Variants in FAM193A observed in about 807,000 individuals in gnomAD.
FAM193A encodes the protein family with sequence similarity 193 member A.
Under a neutral mutation model 126.5 loss-of-function variants are expected in FAM193A, and 22 were observed. The ratio of observed to expected loss-of-function variants is 0.17; its 90% CI spans 0.12 to 0.25. The LOEUF (loss-of-function observed/expected upper bound fraction) is 0.25, where lower values mean the gene tolerates loss of function less well. Among genes scored for constraint, FAM193A ranks in the 10% least tolerant of loss-of-function variants. The pLI is 1.00. For missense variants in FAM193A, 1,675 were observed against 1,672.8 expected, an observed-to-expected ratio of 1.00 and a Z score of -0.02; for synonymous variants, 761 against 646.8, an observed-to-expected ratio of 1.18 and a Z score of -2.68.
chr4:2,613,426 A>T (rs1577075042), intron 2 of FAM193A, among the ~76,000 whole-genome samples: 2 of 130,426 alleles, frequency 1.5e-5, no homozygotes, highest in Admixed American at 8.1e-5. Flanking sequence ...GTAAAAACTC[A>T]TTTATTAGTT....
chr4:2,726,950 CAAAAAAA>C (rs35697253), intron 20 of FAM193A, among the ~76,000 whole-genome samples: 6,064 of 104,042 alleles, frequency 0.058, 438 homozygotes, highest in African/African-American at 0.18. Context: ...AACTCCGTCC[CAAAAAAA>C]AAAAAAAAAA....
At chr4:2,645,509 T>A (rs1479026200) in intron 6 of FAM193A, among the ~76,000 whole-genome samples, 2 of 152,080 alleles carry the variant, frequency 1.3e-5, no homozygotes, top group Non-Finnish European at 1.5e-5. Context: ...TCTTGCCATC[T>A]TTCTTTTTTT....
intron 1 of FAM193A, among the ~76,000 whole-genome samples, chr4:2,579,119 C>G (rs892664118): frequency 1.3e-5 from 2 of 152,078 alleles, no homozygotes; most frequent in Non-Finnish European, 2.9e-5. Flanking sequence ...CTCAGCCTCC[C>G]AAAGTGCTGG....
chr4:2,581,234 C>A (rs1392786730), intron 1 of FAM193A, among the ~76,000 whole-genome samples: 3 of 149,902 alleles, frequency 2.0e-5, no homozygotes, highest in African/African-American at 7.3e-5. Context: ...ATTCTCTCTT[C>A]CTGAAATATT....
chr4:2,577,429 T>TTTTTTTTTTTTG (rs1339220571), intron 1 of FAM193A, among the ~76,000 whole-genome samples: 1 of 147,404 alleles, frequency 6.8e-6, no homozygotes, highest in African/African-American at 2.5e-5. Flanking sequence ...TTTGTTTTTT[T>TTTTTTTTTTTTG]TTTTTTTGAG....
chr4:2,565,522 C>T (rs757457396), intron 1 of FAM193A, among the ~76,000 whole-genome samples: 1 of 151,970 alleles, frequency 6.6e-6, no homozygotes, highest in African/African-American at 2.4e-5. Context: ...TCCCAGAGTG[C>T]TGGGATTACA....
intron 8 of FAM193A, 96 bp downstream of exon 8, chr4:2,657,976 C>A: frequency 1.2e-6 from 1 of 822,478 alleles, no homozygotes. Context: ...GTTAGAACAG[C>A]ATTGGAGGAC....
Position 2,690,488 on chromosome 4 carries a change from G to A in FAM193A, c.2531-210G>A, listed in dbSNP as rs115876069. ...TAATTTTAAGACTTTACGTAACTTT[G>A]GAAAGCACCTAGCACAGGAATTGGC... On this transcript the variant is annotated intron_variant, in intron 14 of 20. Coordinates refer to ENST00000637812, the MANE Select transcript of FAM193A (RefSeq NM_001366318.2). Among the ~76,000 whole-genome samples, 2,614 of 152,294 alleles carry A rather than the reference G, an allele frequency of 0.017. 56 individuals are homozygous for A. Among genetic ancestry groups the A allele is most frequent in the African/African-American group, 0.05 (2,061 of 41,550 alleles).
chr4:2,662,821 A>G lies in FAM193A; in HGVS notation c.1746-17A>G, dbSNP rs1285878775. On this transcript the variant is annotated splice_polypyrimidine_tract_variant and intron_variant, in intron 10 of 20. Coordinates refer to ENST00000637812, the MANE Select transcript of FAM193A (RefSeq NM_001366318.2). Reference sequence around the variant, plus strand: ...ACAATTGAATGACCTCACAGTGACCATCTCTGCTTGTGTCAGTTGTAGTGA... The same window carrying G: ...ACAATTGAATGACCTCACAGTGACCGTCTCTGCTTGTGTCAGTTGTAGTGA... 5.0e-6 allele frequency: 8 copies of G among 1,598,538 alleles called. No homozygotes were observed. The highest frequency in any genetic ancestry group is 6.9e-6 in the Non-Finnish European group (8 of 1,167,282).
intron 13 of FAM193A, among the ~76,000 whole-genome samples, chr4:2,687,349 G>A (rs1715860966): frequency 6.6e-6 from 1 of 152,206 alleles, no homozygotes; most frequent in Non-Finnish European, 1.5e-5. Context: ...GGGCCAGGCA[G>A]TGTGCTCAAC....
At chr4:2,560,458 C>T (rs1738544088) in intron 1 of FAM193A, among the ~76,000 whole-genome samples, 1 of 152,176 alleles carries the variant, frequency 6.6e-6, no homozygotes, top group African/African-American at 2.4e-5. Context: ...CTGCTTGGCA[C>T]ATAGTACATA....
At chr4:2,681,644 G>A (rs142937912) in intron 13 of FAM193A, among the ~76,000 whole-genome samples, 33 of 151,880 alleles carry the variant, frequency 2.2e-4, no homozygotes, top group African/African-American at 7.5e-4. Context: ...ATTTATTTAC[G>A]TAGGGACGGA....
At chr4:2,624,165 G>A (rs1291212492) in intron 2 of FAM193A, among the ~76,000 whole-genome samples, 1 of 151,984 alleles carries the variant, frequency 6.6e-6, no homozygotes, top group Non-Finnish European at 1.5e-5. Flanking sequence ...GAAGGTCTTT[G>A]CCCAATGTTC....
chr4:2,608,811 G>A (rs1267496592), intron 2 of FAM193A, among the ~76,000 whole-genome samples: 5 of 151,978 alleles, frequency 3.3e-5, no homozygotes, highest in East Asian at 1.9e-4. Context: ...TCAGGACCAA[G>A]CCTGTGTTGA....
At chr4:2,590,636 G>A (rs1435156653) in intron 1 of FAM193A, among the ~76,000 whole-genome samples, 1 of 152,010 alleles carries the variant, frequency 6.6e-6, no homozygotes, top group East Asian at 1.9e-4. Flanking sequence ...CTGGTTGCTG[G>A]GTGCATTATG....
chr4:2,631,265 G>C (rs976862756), intron 5 of FAM193A, 96 bp downstream of exon 5: 2 of 1,120,492 alleles, frequency 1.8e-6, no homozygotes, highest in Non-Finnish European at 2.6e-6. Flanking sequence ...CGACCTCGCT[G>C]TCACACCCCC....
chr4:2,676,299 G>T (rs1158963319), intron 13 of FAM193A, among the ~76,000 whole-genome samples: 1 of 152,150 alleles, frequency 6.6e-6, no homozygotes, highest in Non-Finnish European at 1.5e-5. Flanking sequence ...TTTCTGTTTT[G>T]CTTTTTTAAT....
intron 2 of FAM193A, chr4:2,607,852 C>T (rs1273531239): frequency 1.6e-6 from 1 of 614,924 alleles, no homozygotes; most frequent in African/African-American, 1.9e-5. Flanking sequence ...CACTCAGTAG[C>T]AGCTCTTTAT....
intron 4 of FAM193A, among the ~76,000 whole-genome samples, chr4:2,629,647 C>G (rs920612236): frequency 6.6e-6 from 1 of 152,274 alleles, no homozygotes; most frequent in Non-Finnish European, 1.5e-5. Context: ...AATCCAGGAG[C>G]TGTAGTTTAA....
Sources: allele counts gnomAD v4.1 joint callset (sites outside exome capture counted in the v4.1 genomes callset), GRCh38; gene constraint gnomAD v4.1.1; transcripts MANE v1.5; gene names NCBI Gene and HGNC (gene_info 2026-07-23, HGNC 2026-07-21).